The following RNFT2 variants were observed in gnomAD, a reference collection of about 807,000 sequenced individuals.
The protein encoded by RNFT2 is E3 ubiquitin-protein ligase RNFT2.
RNFT2 carries 36 observed loss-of-function variants against 53.0 expected under a neutral mutation model. The observed-to-expected ratio is 0.68, with a 90% CI of 0.52 to 0.90. RNFT2 has a LOEUF of 0.90. RNFT2 is among the 40% of genes least tolerant of loss of function. The pLI is 0.00. For missense variants in RNFT2, 514 were observed against 585.6 expected, an observed-to-expected ratio of 0.88 and a Z score of 1.26; for synonymous variants, 260 against 253.2, an observed-to-expected ratio of 1.03 and a Z score of -0.26.
chr12:116,813,594 T>A (rs1257289027), intron 7 of RNFT2, among the ~76,000 whole-genome samples: 1 of 152,214 alleles, frequency 6.6e-6, no homozygotes, highest in Non-Finnish European at 1.5e-5. Context: ...GTTTGCTGGT[T>A]TGTCTCCCCC....
Position 116,750,045 on chromosome 12 carries a change from G to A in RNFT2, c.288G>A (p.Glu96=), listed in dbSNP as rs1872104816. 1.3e-6 allele frequency: 2 copies of A among 1,550,962 alleles called. No homozygotes were observed. Among genetic ancestry groups the A allele is most frequent in the African/African-American group, 1.4e-5 (1 of 73,242 alleles). ...TCATCCAGATGCCCGCGTCCAGGGA[G>A]GAAGGAGGGGGCCGGGGCGAGGGGG... ...DVFIQMPASR[E]EGGGRGEGGA... The change falls in exon 4 of 11, where the codon GAG becomes GAA. Residue 96 remains glutamate, a synonymous_variant. Coordinates refer to ENST00000257575, the MANE Select transcript of RNFT2 (RefSeq NM_001382266.1).
chr12:116,809,680 C>G (rs1194956098), intron 7 of RNFT2, among the ~76,000 whole-genome samples: 2 of 151,192 alleles, frequency 1.3e-5, no homozygotes, highest in African/African-American at 2.4e-5. Flanking sequence ...AAGACCTTTT[C>G]TTTTTTTTTG....
At chr12:116,820,845 G>A (rs922394261) in intron 7 of RNFT2, among the ~76,000 whole-genome samples, 2 of 152,124 alleles carry the variant, frequency 1.3e-5, no homozygotes, top group South Asian at 2.1e-4. Flanking sequence ...GATTGTCAGA[G>A]TCTGGGGACA....
chr12:116,750,371 G>C, intron 4 of RNFT2, 64 bp downstream of exon 4: 2 of 1,478,120 alleles, frequency 1.4e-6, no homozygotes, highest in Non-Finnish European at 1.8e-6. Flanking sequence ...TGCAGCCGGT[G>C]GGGTGGGGGC....
At position 116,804,477 on chromosome 12, in the gene RNFT2, ATTC is replaced by A. The variant is rs542222242; in HGVS notation, c.882+25132_882+25134del. 5.3e-4 allele frequency among the ~76,000 whole-genome samples: 81 copies of A among 152,292 alleles called. 3 individuals are homozygous for A. In the South Asian group the frequency reaches 0.012, roughly 22 times the overall value. On this transcript the variant is annotated intron_variant, in intron 7 of 10. Transcript: ENST00000257575. Reference sequence around the variant, plus strand: ...TATTCATTTTTCAGCAATATGTAATATTCTTTGGTTTATTCATCCATTCCCCTA... The same window carrying A: ...TATTCATTTTTCAGCAATATGTAATATTTGGTTTATTCATCCATTCCCCTA...
chr12:116,848,094 G>A (rs191781588), intron 10 of RNFT2, among the ~76,000 whole-genome samples: 88 of 152,230 alleles, frequency 5.8e-4, no homozygotes, highest in African/African-American at 1.9e-3. Context: ...AGAACATGTG[G>A]TGTTTGGTTT....
chr12:116,760,493 C>T (rs1236880377), intron 5 of RNFT2, among the ~76,000 whole-genome samples: 4 of 152,220 alleles, frequency 2.6e-5, no homozygotes, highest in Non-Finnish European at 5.9e-5. Context: ...CTGGGGGACC[C>T]AGTGAGCTCC....
chr12:116,853,062 G>A lies in RNFT2; in HGVS notation c.*3614G>A, dbSNP rs1010017429. On this transcript the variant is annotated 3_prime_UTR_variant, in exon 11 of 11. Transcript: ENST00000257575. The stretch of plus-strand genomic sequence containing the variant: ...TGCATGCCCTACCCTCTGGGGGAAC[G>A]TCCCATCTGAGGTTTTCTTCTCGGT... The A allele has an allele frequency of 1.7e-5, 7 of 413,268 alleles. 1 individual carries two copies. The highest frequency in any genetic ancestry group is 1.2e-4 in the Admixed American group (3 of 24,020). The allele number at this position is 413,268 out of a possible 1,614,324, so 25.6% of individuals were successfully genotyped here. A position where few individuals can be genotyped will look rare whatever the true frequency, so the allele number is the denominator to read the frequency against.
intron 7 of RNFT2, among the ~76,000 whole-genome samples, chr12:116,826,861 G>A (rs933950357): frequency 6.6e-6 from 1 of 152,158 alleles, no homozygotes; most frequent in East Asian, 1.9e-4. Flanking sequence ...CCCGTAAGGG[G>A]CTTACAGTCC....
At chr12:116,839,729 T>C (rs1877157313) in intron 10 of RNFT2, among the ~76,000 whole-genome samples, 1 of 127,430 alleles carries the variant, frequency 7.8e-6, no homozygotes, top group South Asian at 2.5e-4. Flanking sequence ...TGGGTGGGTA[T>C]ATAGATGGGT....
intron 7 of RNFT2, among the ~76,000 whole-genome samples, chr12:116,820,983 CCT>C (rs1379051143): frequency 6.6e-6 from 1 of 152,134 alleles, no homozygotes; most frequent in Admixed American, 6.5e-5. Flanking sequence ...CCCTCCCCTG[CCT>C]CTGTGTTTGA....
At chr12:116,780,511 G>A (rs950479128) in intron 7 of RNFT2, among the ~76,000 whole-genome samples, 1 of 152,064 alleles carries the variant, frequency 6.6e-6, no homozygotes, top group Non-Finnish European at 1.5e-5. Context: ...CCTGCTGTGC[G>A]ACCTGGTTCC....
intron 7 of RNFT2, among the ~76,000 whole-genome samples, chr12:116,782,486 C>T (rs761212567): frequency 5.3e-5 from 8 of 152,032 alleles, no homozygotes; most frequent in Non-Finnish European, 1.0e-4. Context: ...ATGATCGTGC[C>T]ACTGTACTCC....
chr12:116,823,704 C>A (rs944621060), intron 7 of RNFT2, among the ~76,000 whole-genome samples: 11 of 152,162 alleles, frequency 7.2e-5, no homozygotes, highest in Non-Finnish European at 1.2e-4. Context: ...AATAATAATT[C>A]TTCTGCTTTC....
At chr12:116,769,488 TTGA>T (rs898175271) in intron 6 of RNFT2, among the ~76,000 whole-genome samples, 4 of 152,206 alleles carry the variant, frequency 2.6e-5, no homozygotes, top group African/African-American at 9.6e-5. Flanking sequence ...GACAGTGATA[TTGA>T]TGATTCTGAC....
intron 6 of RNFT2, among the ~76,000 whole-genome samples, chr12:116,770,116 C>T (rs1185201293): frequency 6.6e-6 from 1 of 152,166 alleles, no homozygotes. Flanking sequence ...TGTCCTAGGC[C>T]TTCACATTCA....
rs927047942 is a variant in RNFT2, at chr12:116,750,052, G to C, written c.295G>C (p.Gly99Arg). 1.3e-6 allele frequency: 2 copies of C among 1,549,450 alleles called. No individual in the cohort carries two copies. The highest frequency in any genetic ancestry group is 1.7e-6 in the Non-Finnish European group (2 of 1,148,960). Residue 99 changes from glycine (G) to arginine (R), a missense_variant, in exon 4 of 11, where the codon GGG becomes CGG. This residue lies in a region of RNFT2 where 237 missense variants were observed against 235.1 expected (regional missense o/e 1.01). Transcript: ENST00000257575. ...GATGCCCGCGTCCAGGGAGGAAGGAGGGGGCCGGGGCGAGGGGGGCGCCTA... is the reference window on the plus strand; with the variant it reads ...GATGCCCGCGTCCAGGGAGGAAGGACGGGGCCGGGGCGAGGGGGGCGCCTA... ...IQMPASREEG[G>R]GRGEGGAYHH...
Position 116,849,496 on chromosome 12 carries a change from C to G in RNFT2, c.*48C>G. Reference sequence around the variant, plus strand: ...GAAGGACGCCAAGGGTCAGCATGCCCGGACCCAGCCCTGCGGGGGCTTCCT... The same window carrying G: ...GAAGGACGCCAAGGGTCAGCATGCCGGGACCCAGCCCTGCGGGGGCTTCCT... On this transcript the variant is annotated 3_prime_UTR_variant, in exon 11 of 11. Coordinates refer to ENST00000257575, the MANE Select transcript of RNFT2 (RefSeq NM_001382266.1). 6.5e-7 allele frequency: 1 copy of G among 1,541,242 alleles called. No homozygotes were observed. Among genetic ancestry groups the G allele is most frequent in the Non-Finnish European group, 8.8e-7 (1 of 1,141,274 alleles).
intron 7 of RNFT2, among the ~76,000 whole-genome samples, chr12:116,823,588 G>A (rs758039300): frequency 1.3e-5 from 2 of 152,190 alleles, no homozygotes; most frequent in African/African-American, 4.8e-5. Flanking sequence ...GGTGGCTGAG[G>A]CAGGAGAATT....
Sources: allele counts gnomAD v4.1 joint callset (sites outside exome capture counted in the v4.1 genomes callset), GRCh38; gene constraint gnomAD v4.1.1; regional missense constraint gnomAD v4.1.1; transcripts MANE v1.5; gene names NCBI Gene and HGNC (gene_info 2026-07-23, HGNC 2026-07-21).